OSTF1: variants seen among roughly 807,000 people sequenced by gnomAD.
OSTF1 encodes osteoclast-stimulating factor 1.
OSTF1 carries 27 observed loss-of-function variants against 37.2 expected under a neutral mutation model. That is an observed-to-expected ratio of 0.73 (90% CI 0.54 to 1.00). OSTF1 has a LOEUF of 1.00. Among genes scored for constraint, OSTF1 ranks in the 50% least tolerant of loss-of-function variants. The pLI is 0.00. For synonymous variants in OSTF1, 82 were observed against 89.2 expected (o/e 0.92, Z 0.46); for missense variants, 232 against 253.8 (o/e 0.91, Z 0.58).
At chr9:75,145,273 G>A (rs1407389167) in intron 9 of OSTF1, among the ~76,000 whole-genome samples, 1 of 151,932 alleles carries the variant, frequency 6.6e-6, no homozygotes, top group Non-Finnish European at 1.5e-5. Flanking sequence ...AATCTAGCTA[G>A]CTAGCCAGAG....
chr9:75,138,744 T>C (rs1392352933), intron 8 of OSTF1, among the ~76,000 whole-genome samples: 1 of 152,208 alleles, frequency 6.6e-6, no homozygotes, highest in African/African-American at 2.4e-5. Context: ...GAAATAGTTG[T>C]GTTTCTTCTT....
intron 1 of OSTF1, among the ~76,000 whole-genome samples, chr9:75,113,319 A>G (rs1319981217): frequency 6.6e-6 from 1 of 152,192 alleles, no homozygotes; most frequent in Non-Finnish European, 1.5e-5. Flanking sequence ...GCTCTCATTC[A>G]ATGGCTGTGT....
chr9:75,125,683 A>T (rs1825650319), intron 2 of OSTF1, among the ~76,000 whole-genome samples: 1 of 152,250 alleles, frequency 6.6e-6, no homozygotes, highest in Non-Finnish European at 1.5e-5. Context: ...ATTTGAATGC[A>T]TAATGCATCT....
chr9:75,141,614 C>G (rs895188620), intron 9 of OSTF1, among the ~76,000 whole-genome samples: 1 of 152,032 alleles, frequency 6.6e-6, no homozygotes, highest in Non-Finnish European at 1.5e-5. Context: ...TTTAATAGCT[C>G]CATGATTATA....
In OSTF1 at chr9:75,095,448, TGAG is replaced by T. The variant is rs1334024571; in HGVS notation, c.34+6723_34+6725del. ...CATGGGGCAAGGAGCTTGAGGCAGC[TGAG>T]AAGATGTTACGGAAGAGGAGTAATC... On this transcript the variant is annotated intron_variant, in intron 1 of 9. Transcript: ENST00000346234. 8.5e-5 allele frequency among the ~76,000 whole-genome samples: 13 copies of T among 152,302 alleles called. No homozygotes were observed. In the East Asian group the frequency reaches 2.5e-3, roughly 29 times the overall value.
chr9:75,099,963 C>T (rs1825161150), intron 1 of OSTF1, among the ~76,000 whole-genome samples: 1 of 152,168 alleles, frequency 6.6e-6, no homozygotes, highest in African/African-American at 2.4e-5. Flanking sequence ...AAAAATCATT[C>T]TATTCATAGT....
At chr9:75,092,097 G>A (rs926490575) in intron 1 of OSTF1, among the ~76,000 whole-genome samples, 1 of 152,214 alleles carries the variant, frequency 6.6e-6, no homozygotes, top group Non-Finnish European at 1.5e-5. Context: ...TAAAAGGAAA[G>A]GAGCTAGGTG....
intron 1 of OSTF1, among the ~76,000 whole-genome samples, chr9:75,102,811 G>T (rs1825216908): frequency 6.6e-6 from 1 of 152,182 alleles, no homozygotes; most frequent in Non-Finnish European, 1.5e-5. Flanking sequence ...CAAAATTAAA[G>T]TAGATGTCAC....
intron 1 of OSTF1, among the ~76,000 whole-genome samples, chr9:75,109,099 A>C (rs1204612262): frequency 6.9e-6 from 1 of 144,988 alleles, no homozygotes; most frequent in African/African-American, 2.6e-5. Flanking sequence ...TGCAGCCTCC[A>C]CCTGCTGTGT....
chr9:75,112,064 C>A (rs1825400845), intron 1 of OSTF1, among the ~76,000 whole-genome samples: 1 of 150,760 alleles, frequency 6.6e-6, no homozygotes, highest in Non-Finnish European at 1.5e-5. Flanking sequence ...ACCTTGTGAT[C>A]TGCCCACCTC....
intron 2 of OSTF1, among the ~76,000 whole-genome samples, chr9:75,123,594 T>A (rs903360853): frequency 1.3e-5 from 2 of 152,238 alleles, no homozygotes; most frequent in African/African-American, 4.8e-5. Flanking sequence ...GGTTTCTTAA[T>A]GGAAAATGTG....
intron 1 of OSTF1, among the ~76,000 whole-genome samples, chr9:75,090,674 GA>G (rs747932127): frequency 2.4e-4 from 34 of 144,466 alleles, no homozygotes; most frequent in Middle Eastern, 7.0e-3. Context: ...CTTAGTTGAA[GA>G]AAAAAAAAAA....
At chr9:75,118,298 G>A (rs1825524454) in intron 2 of OSTF1, among the ~76,000 whole-genome samples, 1 of 152,228 alleles carries the variant, frequency 6.6e-6, no homozygotes, top group Admixed American at 6.5e-5. Context: ...AGCAACAAGT[G>A]CAAGCAGCAT....
rs138768913 is a variant in OSTF1 at position 75,133,035 on chromosome 9, T to C, written c.251-259T>C. Among the ~76,000 whole-genome samples the C allele has an allele frequency of 1.0e-3, 158 of 151,058 alleles. 1 individual carries two copies. In the East Asian group the frequency reaches 0.029, roughly 28 times the overall value. ...CACCCCTATATATTTTTTAACAGAA[T>C]AGAAATACCTTAAGTATACCCATTT... On this transcript the variant is annotated intron_variant, in intron 5 of 9. Transcript: ENST00000346234.
intron 9 of OSTF1, among the ~76,000 whole-genome samples, chr9:75,142,784 T>C (rs995009856): frequency 6.6e-6 from 1 of 152,208 alleles, no homozygotes; most frequent in Non-Finnish European, 1.5e-5. Context: ...TCAATTTTCA[T>C]GTTACTTTTA....
intron 2 of OSTF1, among the ~76,000 whole-genome samples, chr9:75,119,512 T>G (rs1264900549): frequency 6.6e-6 from 1 of 152,216 alleles, no homozygotes; most frequent in Admixed American, 6.5e-5. Context: ...AAAAGAAGTT[T>G]ATTTTCTCAC....
At position 75,097,984 on chromosome 9, in the gene OSTF1, A is replaced by G. The variant is rs189182876; in HGVS notation, c.34+9258A>G. On this transcript the variant is annotated intron_variant, in intron 1 of 9. Coordinates refer to ENST00000346234, the MANE Select transcript of OSTF1 (RefSeq NM_012383.5). ...GTGATCCTCCCACCTTAGCCTTCCCAGGAGTTAGGACTGCAGTTGTGCATC... is the reference window on the plus strand; with the variant it reads ...GTGATCCTCCCACCTTAGCCTTCCCGGGAGTTAGGACTGCAGTTGTGCATC... 3.3e-5 allele frequency among the ~76,000 whole-genome samples: 5 copies of G among 151,566 alleles called. No homozygotes were observed. The East Asian group carries it at 9.7e-4, about 29-fold the overall frequency.
chr9:75,100,897 C>T (rs1260303606), intron 1 of OSTF1, among the ~76,000 whole-genome samples: 1 of 152,116 alleles, frequency 6.6e-6, no homozygotes, highest in African/African-American at 2.4e-5. Context: ...TGTAATTTAC[C>T]GTATTTTAAT....
At chr9:75,113,414 T>A (rs1271158634) in intron 1 of OSTF1, among the ~76,000 whole-genome samples, 1 of 151,856 alleles carries the variant, frequency 6.6e-6, no homozygotes, top group Admixed American at 6.6e-5. Flanking sequence ...TATGTCAGTG[T>A]CTGTGGTTCT....
Sources: gnomAD v4.1 joint callset for allele counts (sites outside exome capture counted in the v4.1 genomes callset) on GRCh38, gnomAD v4.1.1 for gene constraint, MANE v1.5 for transcripts, NCBI Gene and HGNC (gene_info 2026-07-23, HGNC 2026-07-21) for gene names.